SSBP2: variants seen among roughly 807,000 people sequenced by gnomAD.
The protein encoded by SSBP2 is single-stranded DNA-binding protein 2.
In SSBP2, 17 loss-of-function variants were observed where a neutral mutation model predicts 61.8. The observed-to-expected ratio is 0.28, with a 90% CI of 0.19 to 0.41. SSBP2 has a LOEUF of 0.41. SSBP2 is among the 10% of genes least tolerant of loss of function. The pLI, the probability that SSBP2 is intolerant of heterozygous loss-of-function variation, is 1.00. For synonymous variants in SSBP2, 139 were observed against 141.3 expected, an observed-to-expected ratio of 0.98 and a Z score of 0.12; for missense variants, 310 against 458.7, an observed-to-expected ratio of 0.68 and a Z score of 2.96.
At chr5:81,513,762 G>A (rs745529242) in intron 4 of SSBP2, 45 bp from the exon 5 acceptor site, 1 of 1,303,428 alleles carries the variant, frequency 7.7e-7, no homozygotes, top group South Asian at 1.2e-5. Flanking sequence ...TTACAGAGAA[G>A]GCACAAAACC....
chr5:81,658,629 C>T lies in SSBP2; in HGVS notation c.63-8290G>A, dbSNP rs141785489. ...TGAATGCAGAATCCACAGATACTAA[C>T]GGCTGACTGTATAAGTGAGATTATA... On this transcript the variant is annotated intron_variant, in intron 1 of 16. Coordinates refer to ENST00000320672, the MANE Select transcript of SSBP2 (RefSeq NM_012446.5). 2.3e-4 allele frequency among the ~76,000 whole-genome samples: 35 copies of T among 152,236 alleles called. No homozygotes were observed. In the East Asian group the frequency reaches 6.2e-3, roughly 27 times the overall value.
chr5:81,616,552 C>A (rs1376021152), intron 3 of SSBP2: 2 of 148,846 alleles, frequency 1.3e-5, no homozygotes, highest in South Asian at 2.1e-4. Flanking sequence ...CCCAGGCTTG[C>A]TTAGGTAAAC....
intron 10 of SSBP2, among the ~76,000 whole-genome samples, 194 bp from the exon 11 acceptor site, chr5:81,449,019 C>G (rs899644051): frequency 2.6e-5 from 4 of 152,078 alleles, no homozygotes; most frequent in Non-Finnish European, 5.9e-5. Context: ...CAAAAGAAGG[C>G]AGATTTTAGT....
rs78769869 is a variant in SSBP2, at chr5:81,561,655, C to T, written c.283-47938G>A. ...TAGAATCACCTTTGTTTTCAGTGACCCTATATTACTTAGAAGAAATCTTGA... is the reference window on the plus strand; with the variant it reads ...TAGAATCACCTTTGTTTTCAGTGACTCTATATTACTTAGAAGAAATCTTGA... On this transcript the variant is annotated intron_variant, in intron 4 of 16. Transcript: ENST00000320672. Among the ~76,000 whole-genome samples, 1,371 of 151,520 alleles carry T rather than the reference C, an allele frequency of 9.0e-3. 17 individuals carry two copies. The highest frequency in any genetic ancestry group is 0.031 in the African/African-American group (1,289 of 41,366).
chr5:81,459,513 T>C (rs1764395321), intron 10 of SSBP2, among the ~76,000 whole-genome samples: 1 of 152,126 alleles, frequency 6.6e-6, no homozygotes, highest in Admixed American at 6.6e-5. Context: ...AATAAGAGAA[T>C]GGTTTTTGTG....
At chr5:81,706,139 T>C (rs1049927227) in intron 1 of SSBP2, among the ~76,000 whole-genome samples, 3 of 152,096 alleles carry the variant, frequency 2.0e-5, no homozygotes, top group African/African-American at 7.2e-5. Flanking sequence ...CATGGAATAC[T>C]ACACAGCCAT....
chr5:81,489,441 A>G (rs1766690164), intron 5 of SSBP2, 132 bp from the exon 6 acceptor site: 11 of 683,260 alleles, frequency 1.6e-5, no homozygotes, highest in Non-Finnish European at 2.6e-5. Context: ...GGCTGCTTTC[A>G]GCATAATAAA....
Position 81,448,331 on chromosome 5 carries a change from A to G in SSBP2, c.723+459T>C, listed in dbSNP as rs531517798. On this transcript the variant is annotated intron_variant, in intron 11 of 16. Coordinates refer to ENST00000320672, the MANE Select transcript of SSBP2 (RefSeq NM_012446.5). ...AAAATAAGTGTTCTCAATTTCAAAG[A>G]ACAACCAAAAAATGAAATGATTCCT... is the stretch of plus-strand genomic sequence containing the variant. 1.1e-4 allele frequency among the ~76,000 whole-genome samples: 16 copies of G among 152,322 alleles called. No individual in the cohort carries two copies. In the South Asian group the frequency reaches 3.3e-3, roughly 32 times the overall value.
intron 1 of SSBP2, among the ~76,000 whole-genome samples, chr5:81,696,896 C>T (rs899525122): frequency 1.3e-5 from 2 of 152,182 alleles, no homozygotes; most frequent in African/African-American, 2.4e-5. Context: ...ATCTGGCACA[C>T]TTTAAGCACT....
At chr5:81,711,694 A>T (rs1035821519) in intron 1 of SSBP2, among the ~76,000 whole-genome samples, 4 of 47,330 alleles carry the variant, frequency 8.5e-5, no homozygotes, top group Non-Finnish European at 1.3e-4. Context: ...TCTACATGAT[A>T]AAAAAAAAAA....
chr5:81,587,446 T>G (rs1307288092), intron 4 of SSBP2, among the ~76,000 whole-genome samples: 1 of 152,074 alleles, frequency 6.6e-6, no homozygotes, highest in African/African-American at 2.4e-5. Context: ...AAACTACCGC[T>G]TGGGGTTGGG....
chr5:81,561,593 A>G (rs1773044953), intron 4 of SSBP2, among the ~76,000 whole-genome samples: 1 of 151,966 alleles, frequency 6.6e-6, no homozygotes, highest in Non-Finnish European at 1.5e-5. Context: ...GAAAAAGACA[A>G]TTTGGGGATT....
At chr5:81,536,053 A>G (rs1182650777) in intron 4 of SSBP2, among the ~76,000 whole-genome samples, 2 of 152,148 alleles carry the variant, frequency 1.3e-5, no homozygotes, top group African/African-American at 4.8e-5. Flanking sequence ...CAATAATAAT[A>G]AACAGCCCAA....
chr5:81,420,396 A>T lies in SSBP2; in HGVS notation c.*108T>A. 8.9e-7 allele frequency: 1 copy of T among 1,124,494 alleles called. No homozygotes were observed. The highest frequency in any genetic ancestry group is 1.3e-6 in the Non-Finnish European group (1 of 747,714). 69.7% of individuals were successfully genotyped at this position (1,124,494 alleles called of 1,614,324 possible). A position where few individuals can be genotyped will look rare whatever the true frequency, so the allele number is the denominator to read the frequency against. ...GAAATAAAAAGGTTGGTTTGGTGTGACTGAGATTCCTTTGTTTAACTGTAC... is the reference window on the plus strand; with the variant it reads ...GAAATAAAAAGGTTGGTTTGGTGTGTCTGAGATTCCTTTGTTTAACTGTAC... On this transcript the variant is annotated 3_prime_UTR_variant, in exon 17 of 17. Transcript: ENST00000320672.
chr5:81,530,974 T>C (rs1770346769), intron 4 of SSBP2, among the ~76,000 whole-genome samples: 1 of 152,072 alleles, frequency 6.6e-6, no homozygotes, highest in Admixed American at 6.6e-5. Context: ...ATTTGGCAAT[T>C]TGGGAGGCCC....
chr5:81,628,922 C>T (rs1747438328), intron 3 of SSBP2, among the ~76,000 whole-genome samples: 1 of 152,128 alleles, frequency 6.6e-6, no homozygotes, highest in Admixed American at 6.5e-5. Flanking sequence ...TCTTCAAACA[C>T]TCCCACTCTT....
At chr5:81,431,830 C>T (rs1762309700) in intron 15 of SSBP2, among the ~76,000 whole-genome samples, 1 of 152,200 alleles carries the variant, frequency 6.6e-6, no homozygotes, top group South Asian at 2.1e-4. Context: ...AAGCAATCCT[C>T]CTCACTTGGC....
intron 2 of SSBP2, among the ~76,000 whole-genome samples, chr5:81,644,043 T>A (rs1749053045): frequency 1.3e-5 from 2 of 152,218 alleles, no homozygotes; most frequent in African/African-American, 4.8e-5. Context: ...CTATTTCAGT[T>A]TAAAATTAAG....
chr5:81,548,143 G>C (rs1488204694), intron 4 of SSBP2, among the ~76,000 whole-genome samples: 1 of 152,182 alleles, frequency 6.6e-6, no homozygotes, highest in Non-Finnish European at 1.5e-5. Context: ...GTCTTGCTTT[G>C]ATATTGATGG....
Sources: gnomAD v4.1 joint callset for allele counts (sites outside exome capture counted in the v4.1 genomes callset) on GRCh38, gnomAD v4.1.1 for gene constraint, MANE v1.5 for transcripts, NCBI Gene and HGNC (gene_info 2026-07-23, HGNC 2026-07-21) for gene names.